The following FOXN3 variants were observed in gnomAD, a reference collection of about 807,000 sequenced individuals.
FOXN3 encodes forkhead box N3, also known as forkhead box protein N3.
In FOXN3, 7 loss-of-function variants were observed where a neutral mutation model predicts 38.4. That is an observed-to-expected ratio of 0.18 (90% CI 0.10 to 0.34). The LOEUF (loss-of-function observed/expected upper bound fraction) is 0.34, where lower values mean the gene tolerates loss of function less well. Ranked by LOEUF, FOXN3 falls within the 10% of genes least tolerant of loss-of-function variation. The pLI is 1.00. For synonymous variants in FOXN3, 230 were observed against 242.2 expected (o/e 0.95, Z 0.47); for missense variants, 456 against 613.4 (o/e 0.74, Z 2.71).
intron 4 of FOXN3, among the ~76,000 whole-genome samples, chr14:89,184,811 C>G (rs545563459): frequency 6.6e-6 from 1 of 152,192 alleles, no homozygotes; most frequent in South Asian, 2.1e-4. Context: ...TCATCGTCAC[C>G]GTCATCCTTC....
chr14:89,429,506 C>T (rs539366786), intron 1 of FOXN3, among the ~76,000 whole-genome samples: 3 of 152,074 alleles, frequency 2.0e-5, no homozygotes, highest in African/African-American at 7.2e-5. Context: ...CCTCATTCCC[C>T]CATTCTCTCT....
chr14:89,275,294 G>C (rs1393156625), intron 4 of FOXN3, among the ~76,000 whole-genome samples: 2 of 152,146 alleles, frequency 1.3e-5, no homozygotes, highest in Non-Finnish European at 2.9e-5. Flanking sequence ...AGCAGACACA[G>C]CTGGCTGAAG....
At chr14:89,268,650 G>A (rs972824484) in intron 4 of FOXN3, among the ~76,000 whole-genome samples, 2 of 152,124 alleles carry the variant, frequency 1.3e-5, no homozygotes, top group African/African-American at 2.4e-5. Context: ...TGCAGGGCTC[G>A]TGAGGCCAGC....
intron 4 of FOXN3, among the ~76,000 whole-genome samples, chr14:89,249,711 T>C (rs938324056): frequency 2.0e-5 from 3 of 152,146 alleles, no homozygotes; most frequent in African/African-American, 4.8e-5. Context: ...AATCCAACGA[T>C]GGGACAATGC....
chr14:89,476,981 G>A (rs776983430), intron 1 of FOXN3, among the ~76,000 whole-genome samples: 2 of 150,446 alleles, frequency 1.3e-5, no homozygotes, highest in East Asian at 3.9e-4. Flanking sequence ...GAGGCTCTGG[G>A]ATCTGGATTT....
chr14:89,378,080 T>C (rs1890535203), intron 2 of FOXN3, among the ~76,000 whole-genome samples: 1 of 152,260 alleles, frequency 6.6e-6, no homozygotes. Flanking sequence ...CCAACCAGGC[T>C]GTGGTACTTT....
chr14:89,197,353 A>G (rs1324200233), intron 4 of FOXN3, among the ~76,000 whole-genome samples: 1 of 152,062 alleles, frequency 6.6e-6, no homozygotes, highest in African/African-American at 2.4e-5. Flanking sequence ...CTAAAAATAC[A>G]AAGATTAGCC....
At chr14:89,540,383 T>C (rs369220214) in intron 1 of FOXN3, among the ~76,000 whole-genome samples, 1 of 152,158 alleles carries the variant, frequency 6.6e-6, no homozygotes, top group African/African-American at 2.4e-5. Context: ...TAGAGTTTGA[T>C]AGCATTTTTT....
chr14:89,188,367 C>A (rs1370837199), intron 4 of FOXN3, among the ~76,000 whole-genome samples: 1 of 152,170 alleles, frequency 6.6e-6, no homozygotes, highest in African/African-American at 2.4e-5. Flanking sequence ...ATCCAGTAAT[C>A]ATGGACGTTT....
intron 4 of FOXN3, among the ~76,000 whole-genome samples, chr14:89,223,801 C>G (rs763539960): frequency 2.0e-5 from 3 of 152,168 alleles, no homozygotes; most frequent in Admixed American, 6.5e-5. Context: ...GTGTGAGCAT[C>G]TTTTACCCCC....
chr14:89,484,694 G>A lies in FOXN3; in HGVS notation c.-14-72204C>T, dbSNP rs913247697. ...CAAATACTGCTATTCTAGTTCTTCC[G>A]CTTCCTGGTGGCTGGTGATCCCAGG... On this transcript the variant is annotated intron_variant, in intron 1 of 6. Coordinates refer to the FOXN3 transcript ENST00000345097. This position sits in a 1 kb window ranked among gnomAD's most constrained non-coding sequence, Gnocchi z 4.0. Among the ~76,000 whole-genome samples, 6 of 152,154 alleles carry A rather than the reference G, an allele frequency of 3.9e-5. No homozygotes were observed. Among genetic ancestry groups the A allele is most frequent in the African/African-American group, 4.8e-5 (2 of 41,430 alleles).
intron 4 of FOXN3, among the ~76,000 whole-genome samples, chr14:89,278,497 C>T (rs1658930676): frequency 6.6e-6 from 1 of 152,212 alleles, no homozygotes; most frequent in African/African-American, 2.4e-5. Flanking sequence ...TGGTTCAATT[C>T]TGCCAGTCCT....
In FOXN3 at chr14:89,508,958, G is replaced by A. The variant is rs570012085; in HGVS notation, c.-14-96468C>T. The stretch of plus-strand genomic sequence containing the variant: ...AAAACAATCGCTATGGATTGGCCCT[G>A]TGGAGGGATGTCATATCACCTCCCT... On this transcript the variant is annotated intron_variant, in intron 1 of 6. Coordinates refer to the FOXN3 transcript ENST00000345097. Among the ~76,000 whole-genome samples the A allele has an allele frequency of 7.2e-5, 11 of 152,262 alleles. No homozygotes were observed. The South Asian group carries it at 1.9e-3, about 26-fold the overall frequency.
chr14:89,173,766 G>A lies in FOXN3; in HGVS notation c.851+6935C>T, dbSNP rs114615822. Among the ~76,000 whole-genome samples, 520 of 152,298 alleles carry A rather than the reference G, an allele frequency of 3.4e-3. 2 individuals are homozygous for A. The highest frequency in any genetic ancestry group is 0.011 in the African/African-American group (467 of 41,552). On this transcript the variant is annotated intron_variant, in intron 5 of 5. Transcript: ENST00000557258. Reference sequence around the variant, plus strand: ...AGCACTTTGGGAGGCTGAGGTGTGTGGATTGTTTGCGCCCAGGAGTTCGAG... The same window carrying A: ...AGCACTTTGGGAGGCTGAGGTGTGTAGATTGTTTGCGCCCAGGAGTTCGAG...
chr14:89,168,176 A>G (rs1887291032), intron 5 of FOXN3, among the ~76,000 whole-genome samples: 1 of 152,236 alleles, frequency 6.6e-6, no homozygotes, highest in Non-Finnish European at 1.5e-5. Context: ...AAATGATAGA[A>G]TCTGAACGGC....
chr14:89,205,288 T>C (rs538318164), intron 4 of FOXN3, among the ~76,000 whole-genome samples: 17 of 152,182 alleles, frequency 1.1e-4, no homozygotes, highest in African/African-American at 3.9e-4. Flanking sequence ...GGTGAGGCCT[T>C]TGGGAGGTGA....
At chr14:89,360,182 CGCCAAAACT>C (rs946688439) in intron 2 of FOXN3, among the ~76,000 whole-genome samples, 1 of 152,116 alleles carries the variant, frequency 6.6e-6, no homozygotes, top group Non-Finnish European at 1.5e-5. Context: ...CCTCCCCTCC[CGCCAAAACT>C]GCCTCCTCCT....
At position 89,462,288 on chromosome 14, in the gene FOXN3, C is replaced by T. The variant is rs147335303; in HGVS notation, c.-14-49798G>A. On this transcript the variant is annotated intron_variant, in intron 1 of 6. Transcript: ENST00000345097. ...AGGTCAAATACACAGGACTGGGACACTGAGGAATCTGGCTAATACTGTCAA... is the reference window on the plus strand; with the variant it reads ...AGGTCAAATACACAGGACTGGGACATTGAGGAATCTGGCTAATACTGTCAA... Among the ~76,000 whole-genome samples, 1,123 of 152,312 alleles carry T rather than the reference C, an allele frequency of 7.4e-3. 12 individuals are homozygous for T. Among genetic ancestry groups the T allele is most frequent in the Middle Eastern group, 0.048 (14 of 294 alleles).
At chr14:89,417,561 C>T (rs1891784469), upstream of FOXN3, 2 of 312,852 alleles carry the variant, frequency 6.4e-6, no homozygotes, top group Admixed American at 7.1e-5. Context: ...TGTCCCCTCC[C>T]CGGGCTCCGG....
Sources: allele counts gnomAD v4.1 joint callset (sites outside exome capture counted in the v4.1 genomes callset), GRCh38; gene constraint gnomAD v4.1.1; non-coding constraint Gnocchi (gnomAD v3.1); transcripts MANE v1.5; gene names NCBI Gene and HGNC (gene_info 2026-07-23, HGNC 2026-07-21).